The following NISCH variants were observed in gnomAD, a reference collection of about 807,000 sequenced individuals.
The protein encoded by NISCH is nischarin, also known as I-1 receptor candidate protein.
A neutral mutation model predicts 138.4 loss-of-function variants in NISCH; 55 were observed. That is an observed-to-expected ratio of 0.40 (90% CI 0.32 to 0.50). The LOEUF (loss-of-function observed/expected upper bound fraction) is 0.50, where lower values mean the gene tolerates loss of function less well. NISCH is among the 20% of genes least tolerant of loss of function. The pLI is 0.71. For synonymous variants in NISCH, 860 were observed against 861.5 expected, an observed-to-expected ratio of 1.00 and a Z score of 0.03; for missense variants, 1,643 against 2,005.5, an observed-to-expected ratio of 0.82 and a Z score of 3.45.
chr3:52,462,414 A>G (rs1310278670), intron 3 of NISCH, among the ~76,000 whole-genome samples: 1 of 152,206 alleles, frequency 6.6e-6, no homozygotes, highest in Non-Finnish European at 1.5e-5. Flanking sequence ...ACTGGGGGGC[A>G]AAATTGCCCC....
Position 52,479,774 on chromosome 3 carries a change from C to T in NISCH, c.1328C>T (p.Thr443Ile). The T allele has an allele frequency of 6.2e-7, 1 of 1,613,604 alleles. No individual in the cohort carries two copies. Among genetic ancestry groups the T allele is most frequent in the Non-Finnish European group, 8.5e-7 (1 of 1,179,792 alleles). ...GTCTGTCTGGATGACACAGTGACCACAGAGAAGGAGCTGGACACTGTGGAA... is the reference window on the plus strand; with the variant it reads ...GTCTGTCTGGATGACACAGTGACCATAGAGAAGGAGCTGGACACTGTGGAA... Reference protein sequence around the residue: ...SEVCLDDTVTTEKELDTVEVL... With the variant: ...SEVCLDDTVTIEKELDTVEVL... Residue 443 changes from threonine to isoleucine, a missense_variant, in exon 12 of 21, where the codon ACA (threonine) becomes ATA (isoleucine). By Grantham distance (89) the Thr-to-Ile change is moderately conservative. Coordinates refer to ENST00000345716, the MANE Select transcript of NISCH (RefSeq NM_007184.4).
rs1541495 is a variant in NISCH at position 52,458,691 on chromosome 3, T to C, written c.207T>C (p.Asn69=). 1,525,528 of 1,613,204 alleles carry C rather than the reference T, an allele frequency of 0.95. 721,532 individuals are homozygous for C. Among genetic ancestry groups the C allele is most frequent in the East Asian group, 0.98 (44,056 of 44,880 alleles). Reference sequence around the variant, plus strand: ...TTGCAGAGAGAAAGATTGATAAAAATCTGCTTCCGCCCAAAAAGATAATTG... The same window carrying C: ...TTGCAGAGAGAAAGATTGATAAAAACCTGCTTCCGCCCAAAAAGATAATTG... ...KLVAERKIDK[N]LLPPKKIIGK... is the part of the protein sequence containing the mutation. Residue 69 remains asparagine (N), a synonymous_variant, in exon 3 of 21, where the codon AAT becomes AAC. Coordinates refer to ENST00000345716, the MANE Select transcript of NISCH (RefSeq NM_007184.4).
intron 3 of NISCH, among the ~76,000 whole-genome samples, chr3:52,470,130 T>C (rs2153231023): frequency 6.6e-6 from 1 of 151,518 alleles, no homozygotes; most frequent in Non-Finnish European, 1.5e-5. Context: ...TTTCCTCTTG[T>C]AGGATGTTGG....
rs1159455384 is a variant in NISCH, at chr3:52,492,320, T to C, written c.4353T>C (p.Phe1451=). ...TGGGCAGTGTCACCCTGGACCACTT[T>C]GGGGAGGTGCCAGGTGGCCCGGCTA... is the stretch of plus-strand genomic sequence containing the variant. ...DLMGSVTLDH[F]GEVPGGPARA... is the part of the protein sequence containing the mutation. Residue 1451 remains phenylalanine (F), a synonymous_variant, in exon 21 of 21, where the codon TTT becomes TTC. Transcript: ENST00000345716. 1.9e-6 allele frequency: 3 copies of C among 1,613,430 alleles called. No homozygotes were observed. The highest frequency in any genetic ancestry group is 1.7e-6 in the Non-Finnish European group (2 of 1,180,038).
intron 12 of NISCH, 93 bp downstream of exon 12, chr3:52,479,955 C>A: frequency 1.8e-6 from 2 of 1,098,242 alleles, no homozygotes; most frequent in Non-Finnish European, 2.7e-6. Flanking sequence ...CTGCTCAGGG[C>A]TGCCGAGTCC....
chr3:52,469,425 G>A (rs1706878090), intron 3 of NISCH, among the ~76,000 whole-genome samples: 2 of 152,164 alleles, frequency 1.3e-5, no homozygotes, highest in South Asian at 4.1e-4. Context: ...TGAGGGTGTC[G>A]GCGCTTGTCC....
chr3:52,460,186 CAAAA>C (rs60865450), intron 3 of NISCH, among the ~76,000 whole-genome samples: 1 of 56,194 alleles, frequency 1.8e-5, no homozygotes, highest in Non-Finnish European at 3.0e-5. Flanking sequence ...GACTTCATCT[CAAAA>C]AAAAAAAAAA....
intron 13 of NISCH, chr3:52,480,736 T>A: frequency 7.0e-7 from 1 of 1,426,178 alleles, no homozygotes; most frequent in South Asian, 1.6e-5. Flanking sequence ...CTGCCTCATC[T>A]CTGTGGGGTG....
chr3:52,461,020 A>C (rs543771069), intron 3 of NISCH, among the ~76,000 whole-genome samples: 1 of 152,224 alleles, frequency 6.6e-6, no homozygotes, highest in South Asian at 2.1e-4. Flanking sequence ...CAGGCAGATC[A>C]CTTGAGGCCA....
At position 52,492,854 on chromosome 3, in the gene NISCH, TGC is replaced by T; in HGVS notation, c.*373_*374del. ...TTGCTGTTGCTGTTGCTGTTGCTGT[TGC>T]TGTTGCTGTTGGCATCTTGCTGCTA... On this transcript the variant is annotated 3_prime_UTR_variant, in exon 21 of 21. Transcript: ENST00000345716. 3.9e-6 allele frequency: 1 copy of T among 257,618 alleles called. No homozygotes were observed. Among genetic ancestry groups the T allele is most frequent in the Admixed American group, 5.0e-5 (1 of 20,128 alleles). 16.0% of individuals were successfully genotyped at this position (257,618 alleles called of 1,614,324 possible).
Position 52,458,649 on chromosome 3 carries a change from T to C in NISCH, c.178-13T>C. The C allele has an allele frequency of 6.2e-7, 1 of 1,609,106 alleles. No homozygotes were observed. Among genetic ancestry groups the C allele is most frequent in the Non-Finnish European group, 8.5e-7 (1 of 1,177,954 alleles). On this transcript the variant is annotated splice_polypyrimidine_tract_variant and intron_variant, in intron 2 of 20. Transcript: ENST00000345716. Reference sequence around the variant, plus strand: ...TCTTAGTCTGTGGTTGATGTGCTTATGTTTTTTTACAGCTCGTTGCAGAGA... The same window carrying C: ...TCTTAGTCTGTGGTTGATGTGCTTACGTTTTTTTACAGCTCGTTGCAGAGA...
At position 52,471,832 on chromosome 3, in the gene NISCH, C is replaced by T; in HGVS notation, c.428C>T (p.Ala143Val). The change falls in exon 5 of 21, where the codon GCC becomes GTC. Residue 143 changes from alanine (A) to valine (V), a missense_variant. Coordinates refer to ENST00000345716, the MANE Select transcript of NISCH (RefSeq NM_007184.4). The stretch of plus-strand genomic sequence containing the variant: ...CTTGCAGGAGAACAGCTCCTGGGGG[C>T]CGGCGAGGTCTTTGCCATTGGACCC... ...LFEKGEQLLG[A>V]GEVFAIGPLQ... 1 of 1,613,940 alleles carries T rather than the reference C, an allele frequency of 6.2e-7. No individual in the cohort carries two copies. Among genetic ancestry groups the T allele is most frequent in the Non-Finnish European group, 8.5e-7 (1 of 1,179,958 alleles).
chr3:52,455,877 G>C, intron 1 of NISCH, 143 bp downstream of exon 1: 1 of 559,462 alleles, frequency 1.8e-6, no homozygotes, highest in Non-Finnish European at 2.7e-6. Flanking sequence ...GGCTGGGACG[G>C]GGGATCTAGG....
Position 52,490,963 on chromosome 3 carries a change from G to A in NISCH, c.3742+130G>A, listed in dbSNP as rs78126918. 3.1e-3 allele frequency: 3,952 copies of A among 1,294,588 alleles called. 62 individuals carry two copies. The highest frequency in any genetic ancestry group is 0.027 in the East Asian group (1,158 of 43,108). The allele number at this position is 1,294,588 out of a possible 1,614,324, so 80.2% of individuals were successfully genotyped here. ...TGCTCAAGAGCCACTTCTTAACCGG[G>A]GTGGGAGGAAGCAGCTTCAGGAACT... On this transcript the variant is annotated intron_variant, in intron 19 of 20. Transcript: ENST00000345716.
intron 13 of NISCH, among the ~76,000 whole-genome samples, chr3:52,482,990 A>G (rs1707315809): frequency 6.6e-6 from 1 of 152,182 alleles, no homozygotes; most frequent in South Asian, 2.1e-4. Flanking sequence ...TAGACTGTCT[A>G]GAGCAGAGAA....
chr3:52,469,420 G>A (rs1706877875), intron 3 of NISCH, among the ~76,000 whole-genome samples: 1 of 152,228 alleles, frequency 6.6e-6, no homozygotes, highest in African/African-American at 2.4e-5. Context: ...AAAATTGAGG[G>A]TGTCGGCGCT....
intron 16 of NISCH, 29 bp downstream of exon 16, chr3:52,488,634 C>T (rs749676729): frequency 2.6e-5 from 41 of 1,555,910 alleles, no homozygotes; most frequent in Non-Finnish European, 3.6e-5. Flanking sequence ...CTCAGGGGCC[C>T]CGGGGGCATG....
rs185317661 is a variant in NISCH at position 52,467,031 on chromosome 3, A to G, written c.361-3828A>G. On this transcript the variant is annotated intron_variant, in intron 3 of 20. Coordinates refer to ENST00000345716, the MANE Select transcript of NISCH (RefSeq NM_007184.4). ...TTTTTTTTTTTTGAGACAGAGTCTC[A>G]CTCTTGTTGCCCAGGCTGGAGTGCA... Among the ~76,000 whole-genome samples, 3 of 126,654 alleles carry G rather than the reference A, an allele frequency of 2.4e-5. No individual in the cohort carries two copies. In the Admixed American group the frequency reaches 2.9e-4, roughly 12 times the overall value. 83.1% of individuals were successfully genotyped at this position (126,654 alleles called of 152,430 possible).
At chr3:52,469,614 C>T (rs1363364099) in intron 3 of NISCH, among the ~76,000 whole-genome samples, 1 of 152,044 alleles carries the variant, frequency 6.6e-6, no homozygotes, top group Non-Finnish European at 1.5e-5. Context: ...AAAATATTTT[C>T]TTAAAAATTA....
Sources: gnomAD v4.1 joint callset for allele counts (sites outside exome capture counted in the v4.1 genomes callset) on GRCh38, gnomAD v4.1.1 for gene constraint, MANE v1.5 for transcripts, NCBI Gene and HGNC (gene_info 2026-07-23, HGNC 2026-07-21) for gene names.